The following CD163L1 variants were observed in gnomAD, a reference collection of about 807,000 sequenced individuals.
The protein encoded by CD163L1 is scavenger receptor cysteine-rich type 1 protein M160.
In CD163L1, 124 loss-of-function variants were observed where a neutral mutation model predicts 165.4. That is an observed-to-expected ratio of 0.75 (90% CI 0.65 to 0.87). CD163L1 has a LOEUF of 0.87. Ranked by LOEUF, CD163L1 falls within the 40% of genes least tolerant of loss-of-function variation. The pLI, the probability that CD163L1 is intolerant of heterozygous loss-of-function variation, is 0.00. For missense variants in CD163L1, 1,525 were observed against 1,799.9 expected (o/e 0.85, Z 2.76); for synonymous variants, 585 against 662.2 (o/e 0.88, Z 1.79).
chr12:7,366,060 A>AT (rs1947012189), intron 18 of CD163L1, among the ~76,000 whole-genome samples: 1 of 152,082 alleles, frequency 6.6e-6, no homozygotes, highest in African/African-American at 2.4e-5. Context: ...ATACGCACAC[A>AT]TTTTTAGCCA....
At chr12:7,427,478 T>C (rs1361604758) in intron 4 of CD163L1, among the ~76,000 whole-genome samples, 1 of 152,144 alleles carries the variant, frequency 6.6e-6, no homozygotes, top group Non-Finnish European at 1.5e-5. Flanking sequence ...AGGTAGATAC[T>C]ATGTTAAATG....
the CD163L1 span, among the ~76,000 whole-genome samples, chr12:7,340,088 A>G: frequency 3.9e-5 from 6 of 152,106 alleles, no homozygotes; most frequent in Non-Finnish European, 8.8e-5. Flanking sequence ...TGGCTCCCTC[A>G]TAAGATCACA....
the CD163L1 span, among the ~76,000 whole-genome samples, chr12:7,335,174 G>A: frequency 4.7e-4 from 71 of 152,276 alleles, no homozygotes; most frequent in Middle Eastern, 3.4e-3. Flanking sequence ...AAAAGAGCCT[G>A]CATCACCAAG....
Position 7,368,529 on chromosome 12 carries a change from CTTTTT to C in CD163L1, c.4073-337_4073-333del, listed in dbSNP as rs56678924. On this transcript the variant is annotated intron_variant, in intron 16 of 19. Transcript: ENST00000313599. This position sits in a 1 kb window ranked among gnomAD's most constrained non-coding sequence, Gnocchi z 4.3. ...AGGGCTTGAGCTGAGCTGTTTCTTTCTTTTTTTTTTTTTTTTGAGATGGAGTCTCA... is the reference window on the plus strand; with the variant it reads ...AGGGCTTGAGCTGAGCTGTTTCTTTCTTTTTTTTTTTGAGATGGAGTCTCA... Among the ~76,000 whole-genome samples the C allele has an allele frequency of 7.3e-6, 1 of 137,254 alleles. No individual in the cohort carries two copies. The highest frequency in any genetic ancestry group is 1.6e-5 in the Non-Finnish European group (1 of 62,958). 90.0% of individuals were successfully genotyped at this position (137,254 alleles called of 152,430 possible).
chr12:7,401,993 C>T (rs890656536), intron 6 of CD163L1, among the ~76,000 whole-genome samples: 1 of 151,910 alleles, frequency 6.6e-6, no homozygotes, highest in African/African-American at 2.4e-5. Context: ...ATTGATCACA[C>T]TAAATGTGAA....
the CD163L1 span, among the ~76,000 whole-genome samples, chr12:7,320,499 G>T: frequency 6.6e-6 from 1 of 152,204 alleles, no homozygotes; most frequent in Admixed American, 6.5e-5. Context: ...GATTGTGTAT[G>T]TCTGTTACTG....
chr12:7,399,358 TTC>T (rs1261503288), intron 6 of CD163L1, among the ~76,000 whole-genome samples: 5 of 93,760 alleles, frequency 5.3e-5, no homozygotes, highest in African/African-American at 1.7e-4. Context: ...TCATTCTCTC[TTC>T]TTTCTCTTTC....
At chr12:7,394,585 T>A (rs551933323) in intron 8 of CD163L1, among the ~76,000 whole-genome samples, 12 of 151,914 alleles carry the variant, frequency 7.9e-5, no homozygotes, top group Non-Finnish European at 1.0e-4. Flanking sequence ...AAGCCAAAAT[T>A]GACAAATGGG....
At chr12:7,383,785 C>G (rs1345731719) in intron 8 of CD163L1, among the ~76,000 whole-genome samples, 1 of 152,182 alleles carries the variant, frequency 6.6e-6, no homozygotes, top group Admixed American at 6.5e-5. Context: ...CCCTACCCAA[C>G]CAACACTATA....
chr12:7,396,874 A>AGAGAG (rs1565794070), intron 7 of CD163L1, among the ~76,000 whole-genome samples: 30 of 152,010 alleles, frequency 2.0e-4, no homozygotes, highest in Admixed American at 3.9e-4. Context: ...GAGAGAGAGA[A>AGAGAG]GAGAGGCTCA....
chr12:7,390,984 C>G (rs1947642373), intron 8 of CD163L1, among the ~76,000 whole-genome samples: 2 of 152,096 alleles, frequency 1.3e-5, no homozygotes, highest in African/African-American at 4.8e-5. Context: ...ATAGAAACAG[C>G]TCCGGTCTTC....
At chr12:7,342,587 T>G (rs2136356854), downstream of CD163L1, among the ~76,000 whole-genome samples, 1 of 152,144 alleles carries the variant, frequency 6.6e-6, no homozygotes, top group South Asian at 2.1e-4. Context: ...TGGGTTAGGG[T>G]CTCCCCAACC....
chr12:7,327,989 G>T, the CD163L1 span, among the ~76,000 whole-genome samples: 1 of 152,116 alleles, frequency 6.6e-6, no homozygotes, highest in African/African-American at 2.4e-5. Context: ...CATTTCTCGG[G>T]AACAGTAGAA....
rs1947957576 is a variant in CD163L1 at position 7,403,688 on chromosome 12, T to C, written c.1255A>G (p.Ser419Gly). The C allele has an allele frequency of 6.2e-7, 1 of 1,614,126 alleles. No homozygotes were observed. The highest frequency in any genetic ancestry group is 8.5e-7 in the Non-Finnish European group (1 of 1,179,982). Residue 419 changes from serine (S) to glycine (G), a missense_variant, in exon 6 of 20, where the codon AGT (serine) becomes GGT (glycine). Coordinates refer to ENST00000313599, the MANE Select transcript of CD163L1 (RefSeq NM_174941.6). ...TCATTACTAGGTTTAGCACGACGAC[T>C]GCCAAAGACGCTGAACGGACATCCT... Reference protein sequence around the residue: ...QLGCPFSVFGSRRAKPSNEAR... With the variant: ...QLGCPFSVFGGRRAKPSNEAR...
chr12:7,430,007 T>C (rs1272641854), intron 4 of CD163L1, among the ~76,000 whole-genome samples: 1 of 152,174 alleles, frequency 6.6e-6, no homozygotes, highest in Non-Finnish European at 1.5e-5. Flanking sequence ...TTCTCTACCC[T>C]TGGAGGCCAC....
At chr12:7,332,701 A>T in the CD163L1 span, among the ~76,000 whole-genome samples, 1 of 152,208 alleles carries the variant, frequency 6.6e-6, no homozygotes, top group African/African-American at 2.4e-5. Flanking sequence ...TAAGTGAAGG[A>T]GAAATAAAAT....
the CD163L1 span, chr12:7,323,376 A>C: frequency 2.5e-6 from 4 of 1,593,356 alleles, no homozygotes; most frequent in Non-Finnish European, 3.4e-6. Context: ...CTTTTCTGCT[A>C]TTCATTGCAC....
At chr12:7,320,696 T>A in the CD163L1 span, 1 of 1,584,710 alleles carries the variant, frequency 6.3e-7, no homozygotes, top group Non-Finnish European at 8.7e-7. Flanking sequence ...TGACCACTTC[T>A]GACATCTGTG....
intron 18 of CD163L1, among the ~76,000 whole-genome samples, chr12:7,363,418 A>AAAT (rs71450200): frequency 3.3e-5 from 5 of 151,970 alleles, no homozygotes; most frequent in East Asian, 3.9e-4. Flanking sequence ...AGATAAAAAG[A>AAAT]AATAATAATA....
Sources: gnomAD v4.1 joint callset for allele counts (sites outside exome capture counted in the v4.1 genomes callset) on GRCh38, gnomAD v4.1.1 for gene constraint, Gnocchi (gnomAD v3.1) non-coding constraint, MANE v1.5 for transcripts, NCBI Gene and HGNC (gene_info 2026-07-23, HGNC 2026-07-21) for gene names.